The following TINAG variants were observed in gnomAD, a reference collection of about 807,000 sequenced individuals.
TINAG encodes tubulointerstitial nephritis antigen.
Under a neutral mutation model 72.7 loss-of-function variants are expected in TINAG, and 83 were observed. The ratio of observed to expected loss-of-function variants is 1.14; its 90% confidence interval spans 0.96 to 1.37. The LOEUF (loss-of-function observed/expected upper bound fraction) is 1.37. Among genes scored for constraint, TINAG ranks in the 40% most tolerant of loss-of-function variants. The pLI, the probability that TINAG is intolerant of heterozygous loss-of-function variation, is 0.00. For missense variants in TINAG, 685 were observed against 576.6 expected, an observed-to-expected ratio of 1.19 and a Z score of -1.93; for synonymous variants, 234 against 189.9, an observed-to-expected ratio of 1.23 and a Z score of -1.91.
chr6:54,371,666 A>C (rs1277877974), intron 9 of TINAG, among the ~76,000 whole-genome samples: 5 of 152,046 alleles, frequency 3.3e-5, no homozygotes, highest in African/African-American at 1.2e-4. Context: ...AGGAAGAAAC[A>C]ATTTCTTTGG....
At chr6:54,366,761 A>G (rs1182553936) in intron 9 of TINAG, among the ~76,000 whole-genome samples, 1 of 151,666 alleles carries the variant, frequency 6.6e-6, no homozygotes, top group Non-Finnish European at 1.5e-5. Context: ...CCAGGAAAAA[A>G]TGACACCTAC....
chr6:54,384,727 T>C (rs952918680), intron 10 of TINAG, among the ~76,000 whole-genome samples: 1 of 151,996 alleles, frequency 6.6e-6, no homozygotes, highest in African/African-American at 2.4e-5. Context: ...CACCAAAAGT[T>C]ACAGAAAAAA....
intron 10 of TINAG, among the ~76,000 whole-genome samples, chr6:54,381,611 T>C (rs955193128): frequency 6.6e-6 from 1 of 152,078 alleles, no homozygotes; most frequent in Non-Finnish European, 1.5e-5. Context: ...GGATTCTTCT[T>C]TATATTTAAA....
chr6:54,367,921 G>A (rs140594772), intron 9 of TINAG, among the ~76,000 whole-genome samples: 22 of 151,800 alleles, frequency 1.4e-4, no homozygotes, highest in African/African-American at 5.3e-4. Context: ...TCCTCACACA[G>A]GGGAGCTCTC....
chr6:54,320,711 A>G lies in TINAG; in HGVS notation c.419+69A>G, dbSNP rs1049663289. On this transcript the variant is annotated intron_variant, in intron 2 of 10. Transcript: ENST00000259782. ...TATGTTTTCTTCAAATAAAAGAAAT[A>G]TTTGTGAACCAAAGTATACATTTAT... 6 of 1,271,654 alleles carry G rather than the reference A, an allele frequency of 4.7e-6. No individual in the cohort carries two copies. In the East Asian group the frequency reaches 9.5e-5, roughly 20 times the overall value. The allele number at this position is 1,271,654 out of a possible 1,614,324, so 78.8% of individuals were successfully genotyped here. A position where few individuals can be genotyped will look rare whatever the true frequency, so the allele number is the denominator to read the frequency against.
intron 5 of TINAG, among the ~76,000 whole-genome samples, chr6:54,346,042 GAACAAGACTGTACCAGATATTC>G (rs1483940322): frequency 6.6e-6 from 1 of 151,914 alleles, no homozygotes; most frequent in Non-Finnish European, 1.5e-5. Flanking sequence ...GAACAAAACT[GAACAAGACTGTACCAGATATTC>G]AACAAGACTG....
At position 54,340,802 on chromosome 6, in the gene TINAG, G is replaced by T. The variant is rs1217159053; in HGVS notation, c.625-2424G>T. Among the ~76,000 whole-genome samples, 5 of 151,840 alleles carry T rather than the reference G, an allele frequency of 3.3e-5. No individual in the cohort carries two copies. The South Asian group carries it at 8.3e-4, about 25-fold the overall frequency. On this transcript the variant is annotated intron_variant, in intron 4 of 10. Coordinates refer to ENST00000259782, the MANE Select transcript of TINAG (RefSeq NM_014464.4). Reference sequence around the variant, plus strand: ...CACTATTGCCTTGTCTTATTGAGACGGATTCACCATTTATATTTTTTCATT... The same window carrying T: ...CACTATTGCCTTGTCTTATTGAGACTGATTCACCATTTATATTTTTTCATT...
chr6:54,330,304 C>T (rs778491499), intron 4 of TINAG, among the ~76,000 whole-genome samples: 6 of 152,150 alleles, frequency 3.9e-5, no homozygotes, highest in African/African-American at 1.4e-4. Flanking sequence ...AAGAAACTCA[C>T]TCCAAACTGC....
At chr6:54,356,311 G>A (rs1433410207) in intron 9 of TINAG, among the ~76,000 whole-genome samples, 1 of 151,918 alleles carries the variant, frequency 6.6e-6, no homozygotes, top group East Asian at 1.9e-4. Context: ...AAGGCGAGTG[G>A]ATTGCTTGAG....
chr6:54,353,277 C>A (rs1474334913), intron 8 of TINAG, among the ~76,000 whole-genome samples: 1 of 151,718 alleles, frequency 6.6e-6, no homozygotes, highest in African/African-American at 2.4e-5. Flanking sequence ...AATGGTTCTA[C>A]AGAAAAGAAA....
chr6:54,319,728 G>A (rs1000911248), intron 1 of TINAG, among the ~76,000 whole-genome samples: 4 of 151,998 alleles, frequency 2.6e-5, no homozygotes, highest in East Asian at 1.9e-4. Context: ...AGGAATAAAA[G>A]GTTAAAATTC....
intron 5 of TINAG, 26 bp from the exon 6 acceptor site, chr6:54,347,341 A>G (rs372624798): frequency 1.5e-5 from 24 of 1,609,850 alleles, no homozygotes; most frequent in Non-Finnish European, 2.0e-5. Context: ...TCATTTCAAT[A>G]TTAATTGATA....
intron 9 of TINAG, among the ~76,000 whole-genome samples, chr6:54,372,921 A>G (rs1476654603): frequency 9.9e-5 from 15 of 151,976 alleles, no homozygotes; most frequent in Non-Finnish European, 1.5e-5. Context: ...ACCAAAGAGA[A>G]AGTCAGCCCA....
intron 9 of TINAG, among the ~76,000 whole-genome samples, chr6:54,375,657 C>T (rs748083774): frequency 3.3e-5 from 5 of 152,142 alleles, no homozygotes; most frequent in Non-Finnish European, 5.9e-5. Flanking sequence ...ACTGGCTCAA[C>T]AAATATCTAT....
chr6:54,367,734 T>G (rs1582747865), intron 9 of TINAG, among the ~76,000 whole-genome samples: 1 of 151,984 alleles, frequency 6.6e-6, no homozygotes, highest in African/African-American at 2.4e-5. Context: ...CATTATGCAT[T>G]GAAAGCTGTC....
chr6:54,387,941 T>A (rs543534210), intron 10 of TINAG, among the ~76,000 whole-genome samples: 1 of 152,290 alleles, frequency 6.6e-6, no homozygotes, highest in East Asian at 1.9e-4. Flanking sequence ...TTACTCTTTA[T>A]AATTATGTGG....
In TINAG at chr6:54,347,422, A is replaced by G. The variant is rs1260214802; in HGVS notation, c.804A>G (p.Leu268=). The G allele has an allele frequency of 3.1e-6, 5 of 1,613,148 alleles. No individual in the cohort carries two copies. Among genetic ancestry groups the G allele is most frequent in the East Asian group, 2.2e-5 (1 of 44,792 alleles). The part of the protein sequence containing the change: ...IQSKGRYTAN[L]SPQNLISCCA... ...CTAAGGGTCGATACACGGCCAATCT[A>G]TCCCCTCAGAATTTGATCTCTTGCT... The change falls in exon 6 of 11, where the codon CTA becomes CTG. Residue 268 remains leucine (L), a synonymous_variant. Transcript: ENST00000259782.
At chr6:54,348,154 C>G (rs1445813728) in intron 6 of TINAG, among the ~76,000 whole-genome samples, 2 of 152,088 alleles carry the variant, frequency 1.3e-5, no homozygotes, top group Non-Finnish European at 2.9e-5. Context: ...TGCTCACTTG[C>G]TCTTCATCAT....
chr6:54,379,500 G>T (rs1763881370), intron 9 of TINAG, among the ~76,000 whole-genome samples: 1 of 152,024 alleles, frequency 6.6e-6, no homozygotes, highest in African/African-American at 2.4e-5. Flanking sequence ...ACATACATGT[G>T]TTTACAAAAA....
Sources: allele counts gnomAD v4.1 joint callset (sites outside exome capture counted in the v4.1 genomes callset), GRCh38; gene constraint gnomAD v4.1.1; transcripts MANE v1.5; gene names NCBI Gene and HGNC (gene_info 2026-07-23, HGNC 2026-07-21).